The following UTS2 variants were observed in gnomAD, a reference collection of about 807,000 sequenced individuals.
The protein encoded by UTS2 is urotensin 2, also known as urotensin-2.
Under a neutral mutation model 12.6 loss-of-function variants are expected in UTS2, and 10 were observed. The observed-to-expected ratio is 0.80, with a 90% CI of 0.49 to 1.35. The LOEUF is 1.35. Among genes scored for constraint, UTS2 ranks in the 40% most tolerant of loss-of-function variants. The pLI is 0.00. For synonymous variants in UTS2, 52 were observed against 50.0 expected (o/e 1.04, Z -0.17); for missense variants, 142 against 143.2 (o/e 0.99, Z 0.04).
At chr1:7,875,585 G>C in the UTS2 span, among the ~76,000 whole-genome samples, 1 of 152,054 alleles carries the variant, frequency 6.6e-6, no homozygotes, top group Admixed American at 6.5e-5. Context: ...CACCATTGGG[G>C]GTCCTGAAGA....
the UTS2 span, among the ~76,000 whole-genome samples, chr1:7,900,214 C>T: frequency 1.3e-5 from 2 of 152,130 alleles, no homozygotes; most frequent in East Asian, 3.9e-4. Context: ...GCCTGGGCAA[C>T]ATAGTGAAAC....
chr1:7,880,190 C>T, the UTS2 span, among the ~76,000 whole-genome samples: 1 of 151,590 alleles, frequency 6.6e-6, no homozygotes, highest in Non-Finnish European at 1.5e-5. Flanking sequence ...CCCAGGAGGT[C>T]AAGGTTGCAG....
chr1:7,894,940 C>G, the UTS2 span, among the ~76,000 whole-genome samples: 172 of 152,150 alleles, frequency 1.1e-3, no homozygotes, highest in African/African-American at 3.3e-3. Context: ...CAAACAAAAC[C>G]AAACCTGGAA....
the UTS2 span, among the ~76,000 whole-genome samples, chr1:7,897,963 C>A: frequency 2.0e-5 from 3 of 152,078 alleles, no homozygotes; most frequent in Non-Finnish European, 2.9e-5. Context: ...TTTGTTGTTA[C>A]TATGCATTGT....
the UTS2 span, among the ~76,000 whole-genome samples, chr1:7,880,597 A>C: frequency 6.6e-6 from 1 of 152,226 alleles, no homozygotes; most frequent in Non-Finnish European, 1.5e-5. Flanking sequence ...ACATACAACC[A>C]TCAAGATTGA....
At chr1:7,875,135 C>T in the UTS2 span, among the ~76,000 whole-genome samples, 2 of 151,348 alleles carry the variant, frequency 1.3e-5, no homozygotes, top group Non-Finnish European at 2.9e-5. Flanking sequence ...AGTGCAGTGG[C>T]GCGATCTAGG....
the UTS2 span, among the ~76,000 whole-genome samples, chr1:7,884,121 A>G: frequency 6.6e-6 from 1 of 152,138 alleles, no homozygotes; most frequent in Non-Finnish European, 1.5e-5. Flanking sequence ...TATTCACTTT[A>G]TTGCAGTGGT....
chr1:7,878,481 C>G, the UTS2 span, among the ~76,000 whole-genome samples: 1 of 152,262 alleles, frequency 6.6e-6, no homozygotes, highest in East Asian at 1.9e-4. Context: ...CAACCAGAAA[C>G]AATTTCTATT....
At chr1:7,874,899 T>C in the UTS2 span, among the ~76,000 whole-genome samples, 1 of 152,162 alleles carries the variant, frequency 6.6e-6, no homozygotes, top group African/African-American at 2.4e-5. Context: ...TCACACACAC[T>C]CTCTCCTGTC....
chr1:7,906,491 G>GAAAGAAAGAAAGAAAGAAAA, the UTS2 span, among the ~76,000 whole-genome samples: 1 of 123,422 alleles, frequency 8.1e-6, no homozygotes, highest in East Asian at 2.8e-4. Context: ...AAGAAAGAAA[G>GAAAGAAAGAAAGAAAGAAAA]AAAGAAAGAA....
chr1:7,888,777 A>G, the UTS2 span, among the ~76,000 whole-genome samples: 17 of 152,330 alleles, frequency 1.1e-4, no homozygotes, highest in East Asian at 2.3e-3. Context: ...ACCAAGAACA[A>G]TTAGCTGTGG....
At chr1:7,891,651 T>C in the UTS2 span, among the ~76,000 whole-genome samples, 1 of 151,796 alleles carries the variant, frequency 6.6e-6, no homozygotes, top group African/African-American at 2.4e-5. Context: ...GGTAAGTATA[T>C]GAGGCAATGA....
chr1:7,908,460 CAA>C, the UTS2 span, among the ~76,000 whole-genome samples: 7 of 49,580 alleles, frequency 1.4e-4, no homozygotes, highest in Non-Finnish European at 2.2e-4. Context: ...GACTCTGTCT[CAA>C]AAAAAAAAAA....
At chr1:7,906,034 T>C in the UTS2 span, among the ~76,000 whole-genome samples, 1 of 152,154 alleles carries the variant, frequency 6.6e-6, no homozygotes, top group African/African-American at 2.4e-5. Flanking sequence ...GGTGAGCATC[T>C]TGTTTTGAGG....
Position 7,852,962 on chromosome 1 carries a change from G to A in UTS2, c.42C>T (p.Phe14=), listed in dbSNP as rs1479776665. 4.3e-6 allele frequency: 7 copies of A among 1,613,448 alleles called. No individual in the cohort carries two copies. The highest frequency in any genetic ancestry group is 1.3e-5 in the African/African-American group (1 of 74,874). Residue 14 remains phenylalanine, a synonymous_variant, in exon 1 of 4, where the codon TTC becomes TTT. Transcript: ENST00000361696. ...LASCCLLFIG[F]LNPLLSLPLL... ...GAGGAAGAGATAAGAGAGGATTTAAGAATCCTATGAAAAGCAAACAGCAGG... is the reference window on the plus strand; with the variant it reads ...GAGGAAGAGATAAGAGAGGATTTAAAAATCCTATGAAAAGCAAACAGCAGG...
the UTS2 span, among the ~76,000 whole-genome samples, chr1:7,906,332 T>C: frequency 0.093 from 15 of 162 alleles, no homozygotes; most frequent in Non-Finnish European, 0.14. Flanking sequence ...CCTTCGTCCA[T>C]ACAGCCAGAG....
intron 1 of UTS2, among the ~76,000 whole-genome samples, chr1:7,851,399 A>G (rs752477023): frequency 5.9e-5 from 9 of 152,220 alleles, no homozygotes; most frequent in Non-Finnish European, 1.0e-4. Context: ...CAAGATTTCA[A>G]TACAATTATT....
At chr1:7,884,025 G>A in the UTS2 span, among the ~76,000 whole-genome samples, 1 of 152,058 alleles carries the variant, frequency 6.6e-6, no homozygotes, top group Non-Finnish European at 1.5e-5. Context: ...TGTTGGTCAA[G>A]CTGGTCTCGA....
chr1:7,886,269 C>A, the UTS2 span, among the ~76,000 whole-genome samples: 1 of 152,136 alleles, frequency 6.6e-6, no homozygotes, highest in African/African-American at 2.4e-5. Context: ...GAACAGATGA[C>A]GACTTTATTC....
Sources: gnomAD v4.1 joint callset for allele counts (sites outside exome capture counted in the v4.1 genomes callset) on GRCh38, gnomAD v4.1.1 for gene constraint, MANE v1.5 for transcripts, NCBI Gene and HGNC (gene_info 2026-07-23, HGNC 2026-07-21) for gene names.